Variants in ARMH3 observed in about 807,000 individuals in gnomAD.
ARMH3 encodes the protein armadillo like helical domain containing 3, also known as armadillo-like helical domain-containing protein 3.
In ARMH3, 60 loss-of-function variants were observed where a neutral mutation model predicts 99.1. The ratio of observed to expected loss-of-function variants is 0.61; its 90% CI spans 0.49 to 0.75. ARMH3 has a LOEUF of 0.75. Ranked by LOEUF, ARMH3 falls within the 30% of genes least tolerant of loss-of-function variation. ARMH3 has a pLI of 0.00. For missense variants in ARMH3, 679 were observed against 843.1 expected (o/e 0.81, Z 2.41); for synonymous variants, 285 against 292.8 (o/e 0.97, Z 0.27).
chr10:102,029,710 C>T lies in ARMH3; in HGVS notation c.342G>A (p.Lys114=), dbSNP rs2067081769. ...TGTCAAACCCAGAGGTAGACTTATTCTTTTGATGGACTCCTCGAATGAGTG... is the reference window on the plus strand; with the variant it reads ...TGTCAAACCCAGAGGTAGACTTATTTTTTTGATGGACTCCTCGAATGAGTG... ...LCALIRGVHQ[K]NKSTSGFDII... is the part of the protein sequence containing the mutation. The change falls in exon 5 of 26, where the codon AAG becomes AAA. Residue 114 remains lysine, a synonymous_variant. Transcript: ENST00000370033. 1 of 1,614,134 alleles carries T rather than the reference C, an allele frequency of 6.2e-7. No homozygotes were observed. The highest frequency in any genetic ancestry group is 1.1e-5 in the South Asian group (1 of 91,080).
chr10:101,995,020 A>C (rs1283116537), intron 16 of ARMH3, among the ~76,000 whole-genome samples: 1 of 152,232 alleles, frequency 6.6e-6, no homozygotes, highest in East Asian at 1.9e-4. Context: ...TGGGCAACAG[A>C]GCGATACTCC....
At chr10:101,994,224 A>G (rs1846950028) in intron 16 of ARMH3, among the ~76,000 whole-genome samples, 1 of 152,230 alleles carries the variant, frequency 6.6e-6, no homozygotes, top group Admixed American at 6.5e-5. Flanking sequence ...ACAGACTCCA[A>G]TTACAAGGAA....
At chr10:101,954,588 T>C (rs1408627494) in intron 22 of ARMH3, among the ~76,000 whole-genome samples, 2 of 152,204 alleles carry the variant, frequency 1.3e-5, no homozygotes, top group Non-Finnish European at 2.9e-5. Context: ...TATATCTTGA[T>C]TTTTGTGATA....
chr10:101,989,258 G>A (rs1054591056), intron 19 of ARMH3, among the ~76,000 whole-genome samples: 2 of 152,062 alleles, frequency 1.3e-5, no homozygotes, highest in Admixed American at 6.5e-5. Context: ...TAATGGCTAG[G>A]TGTAATGGCA....
chr10:101,850,760 G>A (rs1241555134), intron 24 of ARMH3, among the ~76,000 whole-genome samples: 1 of 151,966 alleles, frequency 6.6e-6, no homozygotes, highest in African/African-American at 2.4e-5. Flanking sequence ...TGCCTTTCCT[G>A]ACCAGCCCAG....
At chr10:102,052,282 G>A (rs1034080711) in intron 1 of ARMH3, among the ~76,000 whole-genome samples, 2 of 151,974 alleles carry the variant, frequency 1.3e-5, no homozygotes, top group African/African-American at 4.8e-5. Flanking sequence ...GGAATGCAGT[G>A]GCACAATCAC....
intron 11 of ARMH3, 63 bp from the exon 12 acceptor site, chr10:102,010,086 A>C: frequency 6.6e-7 from 1 of 1,505,000 alleles, no homozygotes; most frequent in Non-Finnish European, 9.2e-7. Context: ...CTTTATGCCT[A>C]GGAAGCCTTT....
intron 1 of ARMH3, among the ~76,000 whole-genome samples, chr10:102,053,350 T>C (rs1564889991): frequency 2.0e-5 from 3 of 152,142 alleles, no homozygotes; most frequent in Non-Finnish European, 4.4e-5. Context: ...ATAATTTTTT[T>C]TCCTCTCACA....
intron 15 of ARMH3, among the ~76,000 whole-genome samples, chr10:101,998,576 T>TA (rs1242466725): frequency 6.6e-6 from 1 of 152,232 alleles, no homozygotes; most frequent in Non-Finnish European, 1.5e-5. Context: ...TAACATATCT[T>TA]AGACTCTGCC....
intron 15 of ARMH3, among the ~76,000 whole-genome samples, chr10:102,001,133 C>T (rs1029909710): frequency 6.6e-6 from 1 of 151,776 alleles, no homozygotes; most frequent in African/African-American, 2.4e-5. Flanking sequence ...GATGGTTGTA[C>T]AAAAATATGG....
chr10:101,971,298 G>GCCGGGC (rs1305134805), intron 20 of ARMH3, among the ~76,000 whole-genome samples: 2 of 151,950 alleles, frequency 1.3e-5, no homozygotes, highest in Non-Finnish European at 2.9e-5. Flanking sequence ...AAAAATACTG[G>GCCGGGC]CCGGGCGCAG....
chr10:101,995,447 A>G, intron 15 of ARMH3, 92 bp from the exon 16 acceptor site: 1 of 1,056,572 alleles, frequency 9.5e-7, no homozygotes, highest in Non-Finnish European at 1.4e-6. Flanking sequence ...ATAAAAGGAA[A>G]CATTCACACT....
chr10:102,047,816 G>C (rs1164398796), intron 1 of ARMH3, among the ~76,000 whole-genome samples: 1 of 152,108 alleles, frequency 6.6e-6, no homozygotes, highest in Non-Finnish European at 1.5e-5. Context: ...AATCACTCCA[G>C]ATCAGTGATT....
At chr10:102,020,089 G>C (rs2066846387) in intron 8 of ARMH3, among the ~76,000 whole-genome samples, 1 of 151,858 alleles carries the variant, frequency 6.6e-6, no homozygotes, top group Admixed American at 6.6e-5. Flanking sequence ...CAATGTGTTT[G>C]TGTTTCAAGC....
chr10:101,881,595 G>T (rs2067421178), intron 24 of ARMH3, among the ~76,000 whole-genome samples: 1 of 151,964 alleles, frequency 6.6e-6, no homozygotes, highest in Admixed American at 6.6e-5. Context: ...TTACCCAATA[G>T]GCCTCATCAT....
At chr10:102,016,322 T>G (rs755295885) in intron 8 of ARMH3, among the ~76,000 whole-genome samples, 2 of 152,204 alleles carry the variant, frequency 1.3e-5, no homozygotes, top group African/African-American at 4.8e-5. Context: ...TGGGGGCATT[T>G]TGAATTTCAG....
chr10:101,916,962 C>T (rs960810704), intron 23 of ARMH3, among the ~76,000 whole-genome samples: 1 of 152,190 alleles, frequency 6.6e-6, no homozygotes, highest in East Asian at 1.9e-4. Context: ...CCCAAGTTCT[C>T]AGTCCTTCAA....
chr10:101,846,550 A>T lies in ARMH3; in HGVS notation c.*978T>A, dbSNP rs1486451432. The T allele has an allele frequency of 6.6e-6, 1 of 152,382 alleles. No individual in the cohort carries two copies. The highest frequency in any genetic ancestry group is 1.5e-5 in the Non-Finnish European group (1 of 68,186). 9.4% of individuals were successfully genotyped at this position (152,382 alleles called of 1,614,324 possible). ...GAGTCAAATGGGCCAGAAGAAGGGG[A>T]AAGCTAACGGTACTCCTGGTGCCAA... On this transcript the variant is annotated 3_prime_UTR_variant, in exon 26 of 26. Coordinates refer to ENST00000370033, the MANE Select transcript of ARMH3 (RefSeq NM_024541.3).
chr10:102,007,179 G>GA (rs933266374), intron 13 of ARMH3, among the ~76,000 whole-genome samples: 20 of 77,402 alleles, frequency 2.6e-4, no homozygotes, highest in South Asian at 1.6e-3. Flanking sequence ...AAAAAAAAAA[G>GA]AAAAAAAAAG....
Sources: gnomAD v4.1 joint callset for allele counts (sites outside exome capture counted in the v4.1 genomes callset) on GRCh38, gnomAD v4.1.1 for gene constraint, MANE v1.5 for transcripts, NCBI Gene and HGNC (gene_info 2026-07-23, HGNC 2026-07-21) for gene names.